SORCS3: variants seen among roughly 807,000 people sequenced by gnomAD.
SORCS3 encodes the protein VPS10 domain-containing receptor SorCS3.
SORCS3 carries 57 observed loss-of-function variants against 146.3 expected under a neutral mutation model. The ratio of observed to expected loss-of-function variants is 0.39; its 90% CI spans 0.31 to 0.49. SORCS3 has a LOEUF of 0.49. Ranked by LOEUF, SORCS3 falls within the 20% of genes least tolerant of loss-of-function variation. The pLI is 0.92. For missense variants in SORCS3, 1,341 were observed against 1,575.5 expected (o/e 0.85, Z 2.52); for synonymous variants, 653 against 618.5 (o/e 1.06, Z -0.83).
chr10:105,130,958 G>T (rs903650792), intron 7 of SORCS3, among the ~76,000 whole-genome samples: 5 of 152,124 alleles, frequency 3.3e-5, no homozygotes, highest in African/African-American at 1.2e-4. Context: ...GGAAAGCAGT[G>T]TTGGAAAATC....
At chr10:105,156,528 A>G (rs1368317653) in intron 9 of SORCS3, among the ~76,000 whole-genome samples, 1 of 152,208 alleles carries the variant, frequency 6.6e-6, no homozygotes, top group African/African-American at 2.4e-5. Flanking sequence ...ATCCTTTGCC[A>G]GCCAACTGGG....
chr10:104,789,055 C>T (rs7099889), intron 1 of SORCS3, among the ~76,000 whole-genome samples: 6,600 of 152,162 alleles, frequency 0.043, 146 homozygotes, highest in Admixed American at 0.054. Context: ...GTGAGGGGGG[C>T]AGGAGTCAAA....
intron 20 of SORCS3, among the ~76,000 whole-genome samples, chr10:105,241,558 C>T (rs572125744): frequency 2.6e-5 from 4 of 152,272 alleles, no homozygotes; most frequent in Admixed American, 6.5e-5. Flanking sequence ...TACCCACACT[C>T]GGTGGGTCCT....
At chr10:104,731,197 G>C (rs1024027648) in intron 1 of SORCS3, among the ~76,000 whole-genome samples, 1 of 152,166 alleles carries the variant, frequency 6.6e-6, no homozygotes, top group African/African-American at 2.4e-5. Flanking sequence ...TGAGGACCCT[G>C]GAGGGAGCTT....
chr10:104,796,298 A>G (rs1334554870), intron 1 of SORCS3, among the ~76,000 whole-genome samples: 1 of 152,246 alleles, frequency 6.6e-6, no homozygotes, highest in East Asian at 1.9e-4. Flanking sequence ...GAACATGGAT[A>G]TGATAATAAA....
intron 2 of SORCS3, among the ~76,000 whole-genome samples, chr10:104,847,892 T>C (rs1221544801): frequency 2.0e-5 from 3 of 152,016 alleles, no homozygotes; most frequent in African/African-American, 7.3e-5. Flanking sequence ...CATAATTGAT[T>C]ATGATATATA....
chr10:104,900,483 T>C (rs914262367), intron 2 of SORCS3, among the ~76,000 whole-genome samples: 2 of 152,226 alleles, frequency 1.3e-5, no homozygotes, highest in Admixed American at 6.5e-5. Flanking sequence ...AAACAGGCTT[T>C]ATATTCCTAT....
At chr10:104,914,593 C>T (rs770690616) in intron 2 of SORCS3, among the ~76,000 whole-genome samples, 12 of 152,084 alleles carry the variant, frequency 7.9e-5, no homozygotes, top group Non-Finnish European at 1.6e-4. Context: ...ATGATTGTGC[C>T]ACTACACTCC....
chr10:105,242,248 A>G (rs1275059625), intron 20 of SORCS3, among the ~76,000 whole-genome samples: 1 of 141,398 alleles, frequency 7.1e-6, no homozygotes, highest in Non-Finnish European at 1.5e-5. Context: ...ATATATATAT[A>G]TTTATACATA....
chr10:104,709,584 GA>G (rs2016388693), intron 1 of SORCS3, among the ~76,000 whole-genome samples: 1 of 152,160 alleles, frequency 6.6e-6, no homozygotes, highest in African/African-American at 2.4e-5. Flanking sequence ...AGCACCCCAT[GA>G]GATTAATCTT....
intron 1 of SORCS3, among the ~76,000 whole-genome samples, chr10:104,837,513 T>TC (rs548600884): frequency 1.7e-4 from 26 of 152,202 alleles, no homozygotes; most frequent in African/African-American, 6.3e-4. Context: ...CTGTCTAAAA[T>TC]CCCCCCAGGA....
Position 105,263,597 on chromosome 10 carries a change from A to C in SORCS3, c.*223A>C. 1.9e-6 allele frequency: 1 copy of C among 516,348 alleles called. No individual in the cohort carries two copies. Among genetic ancestry groups the C allele is most frequent in the South Asian group, 2.8e-5 (1 of 35,624 alleles). The allele number at this position is 516,348 out of a possible 1,614,324, so 32.0% of individuals were successfully genotyped here. On this transcript the variant is annotated 3_prime_UTR_variant, in exon 27 of 27. Coordinates refer to ENST00000369701, the MANE Select transcript of SORCS3 (RefSeq NM_014978.3). ...GCTGTATTTGTGCTAAGAGCAAAGGATGCATCTTCCCACAGCCTCCTCGCT... is the reference window on the plus strand; with the variant it reads ...GCTGTATTTGTGCTAAGAGCAAAGGCTGCATCTTCCCACAGCCTCCTCGCT...
chr10:104,791,483 A>T (rs1321027329), intron 1 of SORCS3, among the ~76,000 whole-genome samples: 2 of 152,216 alleles, frequency 1.3e-5, no homozygotes, highest in Admixed American at 6.5e-5. Flanking sequence ...AGGCTCGGTG[A>T]GGTTCAAGGA....
intron 1 of SORCS3, among the ~76,000 whole-genome samples, chr10:104,754,040 T>C (rs1181870974): frequency 6.6e-6 from 1 of 152,060 alleles, no homozygotes; most frequent in East Asian, 1.9e-4. Flanking sequence ...GTCTGAGAGG[T>C]AGAGTTCAGG....
intron 4 of SORCS3, among the ~76,000 whole-genome samples, chr10:104,981,068 G>A (rs1338274535): frequency 6.6e-6 from 1 of 152,140 alleles, no homozygotes; most frequent in Non-Finnish European, 1.5e-5. Context: ...ATTTGACCTT[G>A]CTGGAGGGTC....
intron 1 of SORCS3, among the ~76,000 whole-genome samples, chr10:104,780,095 G>C (rs2017357109): frequency 6.6e-6 from 1 of 151,178 alleles, no homozygotes; most frequent in Non-Finnish European, 1.5e-5. Context: ...CGAATTGGCT[G>C]CACTTGTGAA....
chr10:105,012,413 AT>A (rs959294240), intron 4 of SORCS3, among the ~76,000 whole-genome samples: 4 of 151,488 alleles, frequency 2.6e-5, no homozygotes, highest in East Asian at 3.9e-4. Flanking sequence ...AGGTCTTGCC[AT>A]TTTTTTTTCC....
chr10:105,048,546 GA>G (rs1378342832), intron 5 of SORCS3, among the ~76,000 whole-genome samples: 1 of 106,714 alleles, frequency 9.4e-6, no homozygotes, highest in Non-Finnish European at 1.8e-5. Context: ...GGGGTGGGGG[GA>G]GGGGGGAGGG....
chr10:104,995,154 C>T (rs1196304357), intron 4 of SORCS3, among the ~76,000 whole-genome samples: 5 of 143,862 alleles, frequency 3.5e-5, no homozygotes, highest in African/African-American at 5.3e-5. Context: ...TCTTTTCTTT[C>T]TTTCTTTCTC....
Sources: allele counts gnomAD v4.1 joint callset (sites outside exome capture counted in the v4.1 genomes callset), GRCh38; gene constraint gnomAD v4.1.1; transcripts MANE v1.5; gene names NCBI Gene and HGNC (gene_info 2026-07-23, HGNC 2026-07-21).